USH2A: variants seen among roughly 807,000 people sequenced by gnomAD.
The protein encoded by USH2A is Usher syndrome 2A (autosomal recessive, mild).
USH2A carries 443 observed loss-of-function variants against 538.9 expected under a neutral mutation model. The ratio of observed to expected loss-of-function variants is 0.82; its 90% CI spans 0.76 to 0.89. The LOEUF (loss-of-function observed/expected upper bound fraction) is 0.89. Among genes scored for constraint, USH2A ranks in the 40% least tolerant of loss-of-function variants. USH2A has a pLI of 0.00. For synonymous variants in USH2A, 2,413 were observed against 2,273.5 expected (o/e 1.06, Z -1.75); for missense variants, 6,633 against 6,324.8 (o/e 1.05, Z -1.65).
intron 13 of USH2A, among the ~76,000 whole-genome samples, chr1:216,237,796 T>A (rs1253207887): frequency 6.6e-6 from 1 of 152,162 alleles, no homozygotes; most frequent in African/African-American, 2.4e-5. Flanking sequence ...ACAGAGAAAT[T>A]TTTCTTATCA....
chr1:216,297,552 A>C (rs1202776244), intron 9 of USH2A, among the ~76,000 whole-genome samples: 1 of 152,106 alleles, frequency 6.6e-6, no homozygotes, highest in Non-Finnish European at 1.5e-5. Flanking sequence ...GAGGAGGAAA[A>C]AGAAGGAAGA....
At position 215,728,214 on chromosome 1, in the gene USH2A, A is replaced by T. The variant is rs776983250; in HGVS notation, c.11882T>A (p.Leu3961Gln). The change falls in exon 61 of 72, where the codon CTG (leucine) becomes CAG (glutamine). Residue 3961 changes from leucine to glutamine, a missense_variant. By Grantham distance (113) the Leu-to-Gln change is moderately radical. Coordinates refer to ENST00000307340, the MANE Select transcript of USH2A (RefSeq NM_206933.4). ...VESLWSLTQT[L>Q]EAPPQDFPAP... ...TGGAAAATCTTGAGGTGGAGCTTCC[A>T]GAGTTTGTGTTAATGACCACAGACT... 1 of 1,614,036 alleles carries T rather than the reference A, an allele frequency of 6.2e-7. No homozygotes were observed. Among genetic ancestry groups the T allele is most frequent in the Admixed American group, 1.7e-5 (1 of 59,994 alleles).
intron 9 of USH2A, among the ~76,000 whole-genome samples, chr1:216,303,077 CCTT>C (rs1406161875): frequency 1.3e-5 from 2 of 151,992 alleles, no homozygotes; most frequent in East Asian, 1.9e-4. Flanking sequence ...AAATCTCTGT[CCTT>C]CTTTATTCCT....
intron 3 of USH2A, among the ~76,000 whole-genome samples, chr1:216,400,017 C>T (rs1039047003): frequency 3.0e-4 from 45 of 152,044 alleles, no homozygotes; most frequent in African/African-American, 1.0e-3. Flanking sequence ...ATAAAAATCA[C>T]TTGTCATACT....
At chr1:215,725,043 CT>C (rs1217979842) in intron 61 of USH2A, among the ~76,000 whole-genome samples, 1 of 151,932 alleles carries the variant, frequency 6.6e-6, no homozygotes. Flanking sequence ...ACTTCCTTTA[CT>C]TTTTTTTGAG....
At chr1:216,315,718 T>C (rs1005750680) in intron 9 of USH2A, among the ~76,000 whole-genome samples, 6 of 152,184 alleles carry the variant, frequency 3.9e-5, no homozygotes, top group African/African-American at 1.4e-4. Flanking sequence ...TGTATATAAA[T>C]CTATAATTAT....
At chr1:215,764,222 T>C (rs1009221699) in intron 56 of USH2A, among the ~76,000 whole-genome samples, 7 of 152,048 alleles carry the variant, frequency 4.6e-5, no homozygotes, top group Admixed American at 4.6e-4. Flanking sequence ...CTGGGTGCTA[T>C]AGTGTAAAGA....
chr1:216,347,562 C>A (rs577086036), intron 4 of USH2A, among the ~76,000 whole-genome samples: 1 of 152,116 alleles, frequency 6.6e-6, no homozygotes, highest in Non-Finnish European at 1.5e-5. Context: ...ATGAAATGGT[C>A]TTTGCTTTCT....
chr1:215,655,796 C>T (rs950274118), intron 64 of USH2A, among the ~76,000 whole-genome samples: 8 of 134,724 alleles, frequency 5.9e-5, no homozygotes, highest in African/African-American at 1.6e-4. Context: ...AATGGAGTGG[C>T]GCGATCTCGA....
rs1255980987 is a variant in USH2A at position 216,217,495 on chromosome 1, C to A, written c.3049G>T (p.Val1017Phe). ...TGTTTACAGAAACACTGGCCTGTGACCAAGTGACAGGTTTCATTCAAGGCT... is the reference window on the plus strand; with the variant it reads ...TGTTTACAGAAACACTGGCCTGTGAACAAGTGACAGGTTTCATTCAAGGCT... ...SGALNETCHLVTGQCFCKQFV... is the reference protein window; with the variant it reads ...SGALNETCHLFTGQCFCKQFV... Residue 1017 changes from valine (V) to phenylalanine (F), a missense_variant, in exon 15 of 72, where the codon GTC (valine) becomes TTC (phenylalanine). By Grantham distance (50) the Val-to-Phe change is conservative. Coordinates refer to ENST00000307340, the MANE Select transcript of USH2A (RefSeq NM_206933.4). 1 of 1,613,164 alleles carries A rather than the reference C, an allele frequency of 6.2e-7. No individual in the cohort carries two copies. Among genetic ancestry groups the A allele is most frequent in the Non-Finnish European group, 8.5e-7 (1 of 1,179,462 alleles).
Position 215,634,681 on chromosome 1 carries a change from C to T in USH2A, c.15075G>A (p.Gly5025=). 6.2e-7 allele frequency: 1 copy of T among 1,614,222 alleles called. No individual in the cohort carries two copies. Among genetic ancestry groups the T allele is most frequent in the East Asian group, 2.2e-5 (1 of 44,890 alleles). Residue 5025 remains glycine (G), a synonymous_variant, in exon 70 of 72, where the codon GGG becomes GGA. Coordinates refer to ENST00000307340, the MANE Select transcript of USH2A (RefSeq NM_206933.4). The part of the protein sequence containing the change: ...TGLGLVLTTP[G]KKKGSRSKST... Reference sequence around the variant, plus strand: ...TTTTGCTCCGCGATCCCTTCTTTTTCCCAGGAGTTGTTAGGACCAAGCCTG... The same window carrying T: ...TTTTGCTCCGCGATCCCTTCTTTTTTCCAGGAGTTGTTAGGACCAAGCCTG...
Position 216,132,688 on chromosome 1 carries a change from A to G in USH2A, c.4628-35475T>C, listed in dbSNP as rs2033401061. Among the ~76,000 whole-genome samples the G allele has an allele frequency of 3.9e-5, 6 of 152,172 alleles. No homozygotes were observed. The South Asian group carries it at 1.2e-3, about 32-fold the overall frequency. On this transcript the variant is annotated intron_variant, in intron 21 of 71. Transcript: ENST00000307340. The stretch of plus-strand genomic sequence containing the variant: ...AACTGAGGCAAACATAACTTTCTAT[A>G]TACAGCTGGTGTCAGTGGCCTTGCT...
intron 4 of USH2A, 139 bp downstream of exon 4, chr1:216,364,814 C>T: frequency 8.8e-7 from 1 of 1,138,870 alleles, no homozygotes. Flanking sequence ...CATTAATCTG[C>T]CATCCAGTTG....
chr1:216,268,455 G>C (rs906506601), intron 11 of USH2A, among the ~76,000 whole-genome samples: 15 of 152,052 alleles, frequency 9.9e-5, no homozygotes, highest in African/African-American at 3.4e-4. Flanking sequence ...GTAAGTGCTC[G>C]GTAAAGATGA....
chr1:215,633,779 G>C (rs1325073188), intron 70 of USH2A, among the ~76,000 whole-genome samples: 1 of 152,156 alleles, frequency 6.6e-6, no homozygotes, highest in East Asian at 1.9e-4. Context: ...CCCCACACCA[G>C]ACTGCACCAT....
chr1:216,414,229 C>T (rs1437992557), intron 3 of USH2A, among the ~76,000 whole-genome samples: 1 of 151,926 alleles, frequency 6.6e-6, no homozygotes, highest in Non-Finnish European at 1.5e-5. Context: ...TGAATTTTAG[C>T]TTGATATAAT....
intron 11 of USH2A, among the ~76,000 whole-genome samples, chr1:216,288,390 C>A (rs192760987): frequency 2.5e-4 from 38 of 152,084 alleles, no homozygotes; most frequent in African/African-American, 9.2e-4. Context: ...GTCTTTGAAT[C>A]CATATTTTGT....
At chr1:216,208,095 A>G (rs2035156838) in intron 15 of USH2A, among the ~76,000 whole-genome samples, 1 of 152,178 alleles carries the variant, frequency 6.6e-6, no homozygotes, top group South Asian at 2.1e-4. Flanking sequence ...GATGTTTTCT[A>G]TAATATAAAT....
intron 11 of USH2A, among the ~76,000 whole-genome samples, chr1:216,258,973 C>T (rs2036310800): frequency 6.6e-6 from 1 of 152,102 alleles, no homozygotes; most frequent in Admixed American, 6.6e-5. Context: ...TAGCTCCAAG[C>T]TCTCAACCCA....
Sources: gnomAD v4.1 joint callset for allele counts (sites outside exome capture counted in the v4.1 genomes callset) on GRCh38, gnomAD v4.1.1 for gene constraint, MANE v1.5 for transcripts, NCBI Gene and HGNC (gene_info 2026-07-23, HGNC 2026-07-21) for gene names.